The following PPP2R3C variants were observed in gnomAD, a reference collection of about 807,000 sequenced individuals.
The protein encoded by PPP2R3C is serine/threonine-protein phosphatase 2A regulatory subunit B'' subunit gamma.
A neutral mutation model predicts 63.7 loss-of-function variants in PPP2R3C; 47 were observed. The observed-to-expected ratio is 0.74, with a 90% CI of 0.58 to 0.94. PPP2R3C has a LOEUF of 0.94. Among genes scored for constraint, PPP2R3C ranks in the 40% least tolerant of loss-of-function variants. The probability of loss-of-function intolerance (pLI) is 0.00; values close to 1 mark genes in which losing one functional copy is unlikely to be tolerated. For synonymous variants in PPP2R3C, 180 were observed against 177.4 expected (o/e 1.01, Z -0.12); for missense variants, 421 against 518.4 (o/e 0.81, Z 1.82).
intron 11 of PPP2R3C, among the ~76,000 whole-genome samples, chr14:35,090,239 T>TG (rs2045758186): frequency 1.3e-5 from 1 of 74,110 alleles, no homozygotes; most frequent in Non-Finnish European, 3.0e-5. Context: ...TAGTTGTAGT[T>TG]TTTTTTTTTT....
intron 6 of PPP2R3C, 186 bp from the exon 7 acceptor site, chr14:35,099,570 T>C (rs2046117298): frequency 4.4e-6 from 3 of 683,476 alleles, no homozygotes; most frequent in African/African-American, 1.9e-5. Context: ...TTTTGAAAAG[T>C]AGTAAATTCT....
intron 7 of PPP2R3C, among the ~76,000 whole-genome samples, chr14:35,097,294 T>C (rs1164166503): frequency 6.6e-6 from 1 of 152,006 alleles, no homozygotes; most frequent in Non-Finnish European, 1.5e-5. Context: ...TATATAAATC[T>C]AAGTGGTAAA....
At chr14:35,089,928 G>C (rs2138604945) in intron 11 of PPP2R3C, among the ~76,000 whole-genome samples, 1 of 152,220 alleles carries the variant, frequency 6.6e-6, no homozygotes, top group Non-Finnish European at 1.5e-5. Context: ...GCCTCCCAAA[G>C]TGCTGGGATT....
intron 2 of PPP2R3C, among the ~76,000 whole-genome samples, chr14:35,115,575 C>T (rs982734391): frequency 1.3e-5 from 2 of 151,958 alleles, no homozygotes; most frequent in Non-Finnish European, 2.9e-5. Flanking sequence ...CCTTCATAGC[C>T]ATTTTCAGAG....
rs746283346 is a variant in PPP2R3C at position 35,091,070 on chromosome 14, C to G, written c.1113G>C (p.Arg371Ser). The change falls in exon 11 of 13, where the codon AGG becomes AGC. Residue 371 changes from arginine to serine, a missense_variant and splice_region_variant. Coordinates refer to ENST00000261475, the MANE Select transcript of PPP2R3C (RefSeq NM_017917.4). The part of the protein sequence containing the change: ...LNVFSLNYFF[R>S]AIQELMKIHG... Reference sequence around the variant, plus strand: ...ACTCACTTATGCAAATGAGACTTACCCTAAAGAAATAATTAAGTGAAAAGA... The same window carrying G: ...ACTCACTTATGCAAATGAGACTTACGCTAAAGAAATAATTAAGTGAAAAGA... 1.3e-6 allele frequency: 2 copies of G among 1,599,458 alleles called. No homozygotes were observed. Among genetic ancestry groups the G allele is most frequent in the Non-Finnish European group, 1.7e-6 (2 of 1,171,074 alleles).
intron 1 of PPP2R3C, 143 bp downstream of exon 1, chr14:35,121,759 C>T (rs1279926260): frequency 3.3e-6 from 3 of 922,170 alleles, no homozygotes; most frequent in African/African-American, 3.3e-5. Context: ...ATCCTTAAAC[C>T]ACATTCCACT....
At chr14:35,093,533 T>TAC (rs1328671343) in intron 10 of PPP2R3C, among the ~76,000 whole-genome samples, 1 of 152,162 alleles carries the variant, frequency 6.6e-6, no homozygotes, top group East Asian at 1.9e-4. Context: ...CTTTTGTTGT[T>TAC]ACTAATGGTG....
Position 35,121,973 on chromosome 14 carries a change from G to A in PPP2R3C, c.-14C>T, listed in dbSNP as rs200197257. ...TTTCCAGTCCATGGCCGACTTCCGC[G>A]CAGCAGCTTCTGCATTTGCTGTTTC... On this transcript the variant is annotated 5_prime_UTR_variant, in exon 1 of 13. Coordinates refer to ENST00000261475, the MANE Select transcript of PPP2R3C (RefSeq NM_017917.4). 66 of 1,614,098 alleles carry A rather than the reference G, an allele frequency of 4.1e-5. No homozygotes were observed. Among genetic ancestry groups the A allele is most frequent in the Admixed American group, 2.3e-4 (14 of 60,014 alleles).
chr14:35,096,342 A>G (rs2045999026), intron 9 of PPP2R3C, among the ~76,000 whole-genome samples: 1 of 152,240 alleles, frequency 6.6e-6, no homozygotes, highest in South Asian at 2.1e-4. Flanking sequence ...TGACAGAGTG[A>G]GACCCTGTCT....
intron 1 of PPP2R3C, among the ~76,000 whole-genome samples, chr14:35,119,553 G>T (rs1272337547): frequency 6.6e-6 from 1 of 152,086 alleles, no homozygotes; most frequent in Non-Finnish European, 1.5e-5. Context: ...TGTTGCCCAG[G>T]CTGGTCTCAA....
At position 35,099,350 on chromosome 14, in the gene PPP2R3C, G is replaced by A. The variant is rs1208721380; in HGVS notation, c.608C>T (p.Thr203Met). The change falls in exon 7 of 13, where the codon ACG becomes ATG. Residue 203 changes from threonine (T) to methionine (M), a missense_variant. By Grantham distance (81) the Thr-to-Met change is moderately conservative. Around this residue, in one of 3 missense-constraint regions of PPP2R3C, gnomAD observed 47 missense variants for 102.3 expected, o/e 0.46. Coordinates refer to ENST00000261475, the MANE Select transcript of PPP2R3C (RefSeq NM_017917.4). ...TTCCAGACCATCTAATTGTGGCAAC[G>A]TAGGGATAAGTTCCAATATGTAGTT... ...LENYILELIP[T>M]LPQLDGLEKS... The A allele has an allele frequency of 3.1e-6, 5 of 1,601,178 alleles. No homozygotes were observed. The highest frequency in any genetic ancestry group is 3.4e-6 in the Non-Finnish European group (4 of 1,177,312).
At chr14:35,088,114 A>G (rs1177477460) in intron 11 of PPP2R3C, 104 bp from the exon 12 acceptor site, 1 of 807,648 alleles carries the variant, frequency 1.2e-6, no homozygotes, top group African/African-American at 1.7e-5. Flanking sequence ...CTATCAGGCC[A>G]CAAACCTCAT....
At chr14:35,090,948 C>T in intron 11 of PPP2R3C, 122 bp downstream of exon 11, 3 of 851,866 alleles carry the variant, frequency 3.5e-6, no homozygotes, top group Admixed American at 5.2e-5. Context: ...ATCTCCTGAC[C>T]TTGTGATCCA....
intron 3 of PPP2R3C, 151 bp from the exon 4 acceptor site, chr14:35,110,082 A>G (rs2046500291): frequency 5.2e-6 from 3 of 577,928 alleles, no homozygotes; most frequent in Non-Finnish European, 5.9e-6. Flanking sequence ...TTTGATTACT[A>G]ACAATAAAAA....
chr14:35,102,596 A>C (rs2046234185), intron 6 of PPP2R3C: 1 of 152,050 alleles, frequency 6.6e-6, no homozygotes, highest in Non-Finnish European at 1.5e-5. Flanking sequence ...TGAACATCCA[A>C]TCTAGCAGCA....
At chr14:35,116,881 T>C (rs2046725512) in intron 1 of PPP2R3C, 144 bp from the exon 2 acceptor site, 3 of 651,692 alleles carry the variant, frequency 4.6e-6, no homozygotes, top group African/African-American at 3.7e-5. Flanking sequence ...ACACTGAGCA[T>C]ATTAACTTTT....
Position 35,115,310 on chromosome 14 carries a change from G to A in PPP2R3C, c.186+1300C>T, listed in dbSNP as rs567346956. Among the ~76,000 whole-genome samples the A allele has an allele frequency of 9.3e-5, 14 of 151,148 alleles. No homozygotes were observed. In the South Asian group the frequency reaches 2.5e-3, roughly 27 times the overall value. On this transcript the variant is annotated intron_variant, in intron 2 of 12. Transcript: ENST00000261475. ...CCTGAGTAGCGGGGACTACAGGTGC[G>A]CACCACCATGCCCGGCTAAGTTTTT...
chr14:35,106,586 G>A (rs28618323), intron 6 of PPP2R3C: 27,745 of 151,008 alleles, frequency 0.18, 2,715 homozygotes, highest in East Asian at 0.31. Flanking sequence ...CAGGTGACCC[G>A]CCCACGTCAG....
chr14:35,114,147 A>T (rs373604620), intron 2 of PPP2R3C, among the ~76,000 whole-genome samples: 4 of 152,332 alleles, frequency 2.6e-5, no homozygotes, highest in African/African-American at 9.6e-5. Flanking sequence ...AAATGCAAAA[A>T]GCAGTAAAGG....
Sources: allele counts gnomAD v4.1 joint callset (sites outside exome capture counted in the v4.1 genomes callset), GRCh38; gene constraint gnomAD v4.1.1; regional missense constraint gnomAD v4.1.1; transcripts MANE v1.5; gene names NCBI Gene and HGNC (gene_info 2026-07-23, HGNC 2026-07-21).